Variants in UGT1A1 observed in about 807,000 individuals in gnomAD.
UGT1A1 encodes UDP-glucuronosyltransferase 1A1.
UGT1A1 carries 33 observed loss-of-function variants against 40.6 expected under a neutral mutation model. The ratio of observed to expected loss-of-function variants is 0.81; its 90% CI spans 0.62 to 1.09. UGT1A1 has a LOEUF of 1.09. Ranked by LOEUF, UGT1A1 falls within the 50% of genes least tolerant of loss-of-function variation. The pLI is 0.00. For synonymous variants in UGT1A1, 249 were observed against 265.0 expected (o/e 0.94, Z 0.59); for missense variants, 694 against 671.2 (o/e 1.03, Z -0.38).
At chr2:233,770,661 TAAAAA>T (rs112650156) in intron 4 of UGT1A1, 1 of 137,296 alleles carries the variant, frequency 7.3e-6, no homozygotes, top group Non-Finnish European at 1.6e-5. Flanking sequence ...CCGTCTTACT[TAAAAA>T]AAAAAAAAAG....
At position 233,772,732 on chromosome 2, in the gene UGT1A1, A is replaced by G. The variant is rs1259415832; in HGVS notation, c.*173A>G. On this transcript the variant is annotated 3_prime_UTR_variant, in exon 5 of 5. Transcript: ENST00000305208. ...CTTAAATAAAAATAATAGACTCGCT[A>G]GTCAGTAAAGATATTTGAATATGTA... 4.9e-6 allele frequency: 7 copies of G among 1,442,298 alleles called. No homozygotes were observed. Among genetic ancestry groups the G allele is most frequent in the Non-Finnish European group, 6.4e-6 (7 of 1,099,406 alleles). The allele number at this position is 1,442,298 out of a possible 1,614,324, so 89.3% of individuals were successfully genotyped here.
In UGT1A1 at chr2:233,767,014, A is replaced by C. The variant is rs1355233349; in HGVS notation, c.865-20A>C. The C allele has an allele frequency of 5.6e-6, 9 of 1,613,832 alleles. No individual in the cohort carries two copies. Among genetic ancestry groups the C allele is most frequent in the Non-Finnish European group, 1.7e-6 (2 of 1,179,972 alleles). On this transcript the variant is annotated intron_variant, in intron 1 of 4. Coordinates refer to ENST00000305208, the MANE Select transcript of UGT1A1 (RefSeq NM_000463.3). ...AGAATATGAGAAAAAATTAACTGAA[A>C]ATTTTTCTTCTGGCTCTAGGAATTT...
Position 233,760,681 on chromosome 2 carries a change from C to A in UGT1A1, c.394C>A (p.His132Asn), listed in dbSNP as rs769242961. The A allele has an allele frequency of 2.5e-6, 4 of 1,614,246 alleles. No homozygotes were observed. In the South Asian group the frequency reaches 4.4e-5, roughly 18 times the overall value. Residue 132 changes from histidine (H) to asparagine (N), a missense_variant, in exon 1 of 5, where the codon CAC (histidine) becomes AAC (asparagine). His to Asn is a moderately conservative substitution (Grantham distance 68). Transcript: ENST00000305208. ...MLLSGCSHLL[H>N]NKELMASLAE... is the part of the protein sequence containing the mutation. ...TTTGTCTGGCTGTTCCCACTTACTG[C>A]ACAACAAGGAGCTCATGGCCTCCCT... is the stretch of plus-strand genomic sequence containing the variant.
chr2:233,770,760 A>G (rs1700148901), intron 4 of UGT1A1: 1 of 152,240 alleles, frequency 6.6e-6, no homozygotes, highest in Non-Finnish European at 1.5e-5. Context: ...CTAATATTAC[A>G]TTATAATAAT....
In UGT1A1 at chr2:233,760,861, T is replaced by A; in HGVS notation, c.574T>A (p.Tyr192Asn). 1 of 1,614,158 alleles carries A rather than the reference T, an allele frequency of 6.2e-7. No homozygotes were observed. The highest frequency in any genetic ancestry group is 8.5e-7 in the Non-Finnish European group (1 of 1,179,998). Residue 192 changes from tyrosine (Y) to asparagine (N), a missense_variant, in exon 1 of 5, where the codon TAC (tyrosine) becomes AAC (asparagine). Transcript: ENST00000305208. ...TACCCAGTGCCCCAACCCATTCTCC[T>A]ACGTGCCCAGGCCTCTCTCCTCTCA... is the stretch of plus-strand genomic sequence containing the variant. ...EATQCPNPFS[Y>N]VPRPLSSHSD...
At chr2:233,767,960 T>C (rs769330196) in intron 3 of UGT1A1, 24 bp downstream of exon 3, 3 of 1,614,200 alleles carry the variant, frequency 1.9e-6, no homozygotes, top group Non-Finnish European at 2.5e-6. Context: ...ATTGGATGTA[T>C]AGGTCAAACC....
chr2:233,767,950 A>T lies in UGT1A1; in HGVS notation c.1084+14A>T. The T allele has an allele frequency of 6.2e-7, 1 of 1,614,160 alleles. No homozygotes were observed. On this transcript the variant is annotated intron_variant, in intron 3 of 4. Transcript: ENST00000305208. ...ACGATCTGCTTGGTATGTTGGGCGG[A>T]TTGGATGTATAGGTCAAACCAGGGT... is the stretch of plus-strand genomic sequence containing the variant.
chr2:233,768,582 CTTTTTTTT>C (rs139595073), intron 4 of UGT1A1, 143 bp downstream of exon 4: 33 of 1,033,056 alleles, frequency 3.2e-5, no homozygotes, highest in Middle Eastern at 4.0e-4. Context: ...TTTATTTCTT[CTTTTTTTT>C]TTTTTTTTTT....
intron 1 of UGT1A1, among the ~76,000 whole-genome samples, chr2:233,763,842 A>G (rs1366123587): frequency 6.6e-6 from 1 of 152,224 alleles, no homozygotes; most frequent in Non-Finnish European, 1.5e-5. Context: ...AGGGTAAGAT[A>G]GCAGTGGTTC....
rs773318792 is a variant in UGT1A1 at position 233,769,599 on chromosome 2, C to T, written c.1304+1160C>T. 17 of 1,612,664 alleles carry T rather than the reference C, an allele frequency of 1.1e-5. No individual in the cohort carries two copies. Among genetic ancestry groups the T allele is most frequent in the South Asian group, 2.2e-5 (2 of 91,048 alleles). ...TGTTCAGATGAGAGGAGACGGAACACGGGGACACACCAGCTTGAGCAAGGG... is the reference window on the plus strand; with the variant it reads ...TGTTCAGATGAGAGGAGACGGAACATGGGGACACACCAGCTTGAGCAAGGG... On this transcript the variant is annotated intron_variant, in intron 4 of 4. Coordinates refer to ENST00000305208, the MANE Select transcript of UGT1A1 (RefSeq NM_000463.3). The surrounding 1 kb of genome is among the most constrained non-coding windows in gnomAD (Gnocchi z 4.4).
chr2:233,767,095 C>T lies in UGT1A1; in HGVS notation c.926C>T (p.Ser309Leu), dbSNP rs1301476253. The T allele has an allele frequency of 6.2e-7, 1 of 1,614,096 alleles. No homozygotes were observed. The highest frequency in any genetic ancestry group is 1.7e-5 in the Admixed American group (1 of 60,026). ...EHGIVVFSLG[S>L]MVSEIPEKKA... Reference sequence around the variant, plus strand: ...GGAATTGTGGTTTTCTCTTTGGGATCAATGGTCTCAGAAATTCCAGAGAAG... The same window carrying T: ...GGAATTGTGGTTTTCTCTTTGGGATTAATGGTCTCAGAAATTCCAGAGAAG... Residue 309 changes from serine (S) to leucine (L), a missense_variant, in exon 2 of 5, where the codon TCA (serine) becomes TTA (leucine). By Grantham distance (145) the Ser-to-Leu change is moderately radical (BLOSUM62 -2). Coordinates refer to ENST00000305208, the MANE Select transcript of UGT1A1 (RefSeq NM_000463.3).
At chr2:233,766,476 A>G (rs893882112) in intron 1 of UGT1A1, among the ~76,000 whole-genome samples, 2 of 152,172 alleles carry the variant, frequency 1.3e-5, no homozygotes, top group African/African-American at 2.4e-5. Flanking sequence ...TTATAGGCAC[A>G]TGATGGGGGC....
chr2:233,767,983 AG>A (rs1699537799), intron 3 of UGT1A1, 47 bp downstream of exon 3: 1 of 1,614,082 alleles, frequency 6.2e-7, no homozygotes, highest in African/African-American at 1.3e-5. Context: ...GGTCAAATTA[AG>A]AAAATGGCTT....
rs1476500325 is a variant in UGT1A1 at position 233,772,338 on chromosome 2, T to C, written c.1381T>C (p.Trp461Arg). ...PVEPLDLAVF[W>R]VEFVMRHKGA... ...GGAGCCGCTGGACCTGGCCGTGTTC[T>C]GGGTGGAGTTTGTGATGAGGCACAA... Residue 461 changes from tryptophan (W) to arginine (R), a missense_variant, in exon 5 of 5, where the codon TGG becomes CGG. Trp to Arg is a moderately radical substitution (Grantham distance 101). Coordinates refer to ENST00000305208, the MANE Select transcript of UGT1A1 (RefSeq NM_000463.3). 3.1e-6 allele frequency: 5 copies of C among 1,614,136 alleles called. No individual in the cohort carries two copies. The highest frequency in any genetic ancestry group is 4.2e-6 in the Non-Finnish European group (5 of 1,180,052).
chr2:233,765,364 C>T (rs1321623468), intron 1 of UGT1A1, among the ~76,000 whole-genome samples: 1 of 152,168 alleles, frequency 6.6e-6, no homozygotes, highest in African/African-American at 2.4e-5. Flanking sequence ...CCCAGATGCC[C>T]ATCAATGGTA....
intron 1 of UGT1A1, among the ~76,000 whole-genome samples, chr2:233,764,353 CCTCATAGTAGCTGG>C (rs1280586461): frequency 1.6e-4 from 25 of 152,240 alleles, no homozygotes; most frequent in Non-Finnish European, 2.8e-4. Context: ...CTTTATTGAG[CCTCATAGTAGCTGG>C]CTCAGGTAGG....
At chr2:233,765,419 T>G (rs970448073) in intron 1 of UGT1A1, among the ~76,000 whole-genome samples, 3 of 152,166 alleles carry the variant, frequency 2.0e-5, no homozygotes, top group Non-Finnish European at 4.4e-5. Context: ...TGGAATACTA[T>G]GCAGCCATAA....
At chr2:233,763,063 T>C (rs1220667382) in intron 1 of UGT1A1, among the ~76,000 whole-genome samples, 1 of 152,230 alleles carries the variant, frequency 6.6e-6, no homozygotes, top group Admixed American at 6.5e-5. Flanking sequence ...TTTAGATAAT[T>C]TCCTTCTTTG....
chr2:233,765,482 C>T (rs1647966215), intron 1 of UGT1A1, among the ~76,000 whole-genome samples: 1 of 152,108 alleles, frequency 6.6e-6, no homozygotes, highest in South Asian at 2.1e-4. Context: ...TGGAAGCCAT[C>T]ATCCTCCACA....
Sources: gnomAD v4.1 joint callset for allele counts (sites outside exome capture counted in the v4.1 genomes callset) on GRCh38, gnomAD v4.1.1 for gene constraint, Gnocchi (gnomAD v3.1) non-coding constraint, MANE v1.5 for transcripts, NCBI Gene and HGNC (gene_info 2026-07-23, HGNC 2026-07-21) for gene names.